ABTB3: variants seen among roughly 807,000 people sequenced by gnomAD.
The protein encoded by ABTB3 is ankyrin repeat- and BTB/POZ domain-containing protein 3.
the ABTB3 span, among the ~76,000 whole-genome samples, chr12:107,567,940 AGTGCACTCTTGAT>A: frequency 2.0e-5 from 3 of 152,174 alleles, no homozygotes; most frequent in African/African-American, 7.2e-5. Flanking sequence ...GGTTTGTATA[AGTGCACTCTTGAT>A]GTACATTCTT....
At chr12:107,521,279 G>A in the ABTB3 span, among the ~76,000 whole-genome samples, 1 of 151,518 alleles carries the variant, frequency 6.6e-6, no homozygotes, top group East Asian at 1.9e-4. Context: ...GTGTGTGTGT[G>A]TGTGTGTGTG....
the ABTB3 span, among the ~76,000 whole-genome samples, chr12:107,508,764 C>T: frequency 2.0e-5 from 3 of 152,118 alleles, no homozygotes; most frequent in Non-Finnish European, 2.9e-5. Flanking sequence ...ATTACTCAAA[C>T]AACTCCAGCA....
At chr12:107,625,235 C>T in the ABTB3 span, among the ~76,000 whole-genome samples, 1 of 152,154 alleles carries the variant, frequency 6.6e-6, no homozygotes, top group Non-Finnish European at 1.5e-5. Context: ...AGATACTAGT[C>T]CTTTGTCAGA....
chr12:107,361,516 A>G, the ABTB3 span, among the ~76,000 whole-genome samples: 1 of 152,206 alleles, frequency 6.6e-6, no homozygotes, highest in Non-Finnish European at 1.5e-5. Context: ...AACTTTTCGT[A>G]TATGATTGAT....
chr12:107,495,337 C>G, the ABTB3 span, among the ~76,000 whole-genome samples: 6 of 152,226 alleles, frequency 3.9e-5, no homozygotes, highest in Non-Finnish European at 7.3e-5. Context: ...GCTCTGCAGG[C>G]AGAACAGACT....
At chr12:107,555,296 C>T in the ABTB3 span, among the ~76,000 whole-genome samples, 3 of 152,200 alleles carry the variant, frequency 2.0e-5, no homozygotes, top group Non-Finnish European at 2.9e-5. Flanking sequence ...GGCTGTTAAA[C>T]ACCTCTGGCC....
the ABTB3 span, among the ~76,000 whole-genome samples, chr12:107,492,088 C>G: frequency 6.6e-6 from 1 of 151,992 alleles, no homozygotes; most frequent in Non-Finnish European, 1.5e-5. Context: ...AGGGTGAAGT[C>G]GTGGGAGAGG....
chr12:107,651,903 G>C, the ABTB3 span: 9 of 816,076 alleles, frequency 1.1e-5, no homozygotes, highest in African/African-American at 1.7e-5. Context: ...TTCTCTCAGG[G>C]CTAAGCCGCT....
chr12:107,397,414 C>T, the ABTB3 span, among the ~76,000 whole-genome samples: 852 of 152,178 alleles, frequency 5.6e-3, 10 homozygotes, highest in African/African-American at 0.017. Flanking sequence ...GTCTCCTATT[C>T]AGTAAAAGAC....
chr12:107,429,970 A>T, the ABTB3 span, among the ~76,000 whole-genome samples: 1 of 152,254 alleles, frequency 6.6e-6, no homozygotes, highest in Non-Finnish European at 1.5e-5. Flanking sequence ...ATTTACTAAT[A>T]AGCATGAAGA....
At chr12:107,578,984 G>T in the ABTB3 span, among the ~76,000 whole-genome samples, 1 of 152,216 alleles carries the variant, frequency 6.6e-6, no homozygotes, top group African/African-American at 2.4e-5. Context: ...GATCCAAGAA[G>T]TCCCCATTCC....
At chr12:107,489,945 A>C in the ABTB3 span, among the ~76,000 whole-genome samples, 2 of 152,126 alleles carry the variant, frequency 1.3e-5, no homozygotes, top group Non-Finnish European at 2.9e-5. Context: ...AACAAACAAA[A>C]ACATAAAGAT....
At chr12:107,639,718 T>G in the ABTB3 span, among the ~76,000 whole-genome samples, 9 of 152,184 alleles carry the variant, frequency 5.9e-5, no homozygotes, top group Non-Finnish European at 1.0e-4. Flanking sequence ...AATTGTAGCT[T>G]CTCCACCAGT....
chr12:107,449,618 C>A, the ABTB3 span, among the ~76,000 whole-genome samples: 2 of 152,000 alleles, frequency 1.3e-5, no homozygotes, highest in African/African-American at 4.8e-5. Flanking sequence ...TTTTTCAGAC[C>A]TCTGTTCTTG....
At chr12:107,648,380 C>CACACACACACACA in the ABTB3 span, among the ~76,000 whole-genome samples, 6 of 140,100 alleles carry the variant, frequency 4.3e-5, no homozygotes, top group African/African-American at 1.3e-4. Flanking sequence ...GACCCCATCT[C>CACACACACACACA]CACACACACA....
chr12:107,649,901 T>C, the ABTB3 span: 1 of 152,286 alleles, frequency 6.6e-6, no homozygotes, highest in East Asian at 1.9e-4. Flanking sequence ...TGTTTCTGCC[T>C]GCTTTTGTCC....
the ABTB3 span, among the ~76,000 whole-genome samples, chr12:107,599,520 T>C: frequency 6.6e-6 from 1 of 152,244 alleles, no homozygotes; most frequent in Non-Finnish European, 1.5e-5. Context: ...ATCTCTGTTA[T>C]GCACACAGAG....
At chr12:107,430,488 A>G in the ABTB3 span, among the ~76,000 whole-genome samples, 1 of 152,206 alleles carries the variant, frequency 6.6e-6, no homozygotes, top group Non-Finnish European at 1.5e-5. Flanking sequence ...TCATTTTCCC[A>G]CACTCTTGGC....
chr12:107,497,754 A>C, the ABTB3 span, among the ~76,000 whole-genome samples: 1 of 152,266 alleles, frequency 6.6e-6, no homozygotes, highest in South Asian at 2.1e-4. Flanking sequence ...CTAAATCCCC[A>C]GAGAAGCCAT....
Sources: allele counts gnomAD v4.1 joint callset (sites outside exome capture counted in the v4.1 genomes callset), GRCh38; gene constraint gnomAD v4.1.1; transcripts MANE v1.5; gene names NCBI Gene and HGNC (gene_info 2026-07-23, HGNC 2026-07-21).